NFIB: variants seen among roughly 807,000 people sequenced by gnomAD.
NFIB encodes the protein nuclear factor I B, also known as nuclear factor 1 B-type.
A neutral mutation model predicts 61.5 loss-of-function variants in NFIB; 11 were observed. The observed-to-expected ratio is 0.18, with a 90% confidence interval of 0.11 to 0.30. The LOEUF (loss-of-function observed/expected upper bound fraction) is 0.30. Ranked by LOEUF, NFIB falls within the 10% of genes least tolerant of loss-of-function variation. NFIB has a pLI of 1.00. For synonymous variants in NFIB, 260 were observed against 216.5 expected (o/e 1.20, Z -1.76); for missense variants, 471 against 608.9 (o/e 0.77, Z 2.38).
At chr9:14,414,431 CAA>C in the NFIB span, among the ~76,000 whole-genome samples, 1,072 of 56,594 alleles carry the variant, frequency 0.019, 10 homozygotes, top group African/African-American at 0.053. Flanking sequence ...GAGACTGTCT[CAA>C]AAAAAAAAAA....
At chr9:14,510,052 C>T in the NFIB span, among the ~76,000 whole-genome samples, 47 of 152,180 alleles carry the variant, frequency 3.1e-4, no homozygotes, top group African/African-American at 8.4e-4. Context: ...CATGCCACTA[C>T]GCCCAGATAA....
chr9:14,086,062 GTGT>G lies in NFIB; in HGVS notation c.*2244_*2246del, dbSNP rs1158203647. On this transcript the variant is annotated 3_prime_UTR_variant, in exon 11 of 11. Coordinates refer to ENST00000380953, the MANE Select transcript of NFIB (RefSeq NM_001190737.2). ...GTTGTGTTTGCTTGTTCTTACTATT[GTGT>G]TGTTATGAAAACCAGTAATGAGTTC... The G allele has an allele frequency of 4.4e-6, 1 of 226,742 alleles. No homozygotes were observed. The highest frequency in any genetic ancestry group is 6.3e-5 in the East Asian group (1 of 15,892). The allele number at this position is 226,742 out of a possible 1,614,324, so 14.0% of individuals were successfully genotyped here.
chr9:14,118,866 T>G (rs1197802416), intron 8 of NFIB, among the ~76,000 whole-genome samples: 1 of 151,628 alleles, frequency 6.6e-6, no homozygotes, highest in African/African-American at 2.4e-5. Context: ...ATAGGCAGAT[T>G]ATCACCTAAT....
intron 2 of NFIB, among the ~76,000 whole-genome samples, chr9:14,251,234 G>A (rs949513919): frequency 6.6e-6 from 1 of 152,142 alleles, no homozygotes; most frequent in Non-Finnish European, 1.5e-5. Context: ...TGAGGAATTA[G>A]AACCTCCCTC....
At chr9:14,218,304 G>A (rs1018296762) in intron 2 of NFIB, among the ~76,000 whole-genome samples, 1 of 152,054 alleles carries the variant, frequency 6.6e-6, no homozygotes, top group African/African-American at 2.4e-5. Context: ...ATATACTCAA[G>A]AGTCTGACTC....
the NFIB span, among the ~76,000 whole-genome samples, chr9:14,442,992 G>A: frequency 1.3e-5 from 2 of 152,076 alleles, no homozygotes; most frequent in Non-Finnish European, 2.9e-5. Flanking sequence ...GTGGTGGCAG[G>A]CAAATCTTTC....
At chr9:14,222,344 G>A (rs892924076) in intron 2 of NFIB, among the ~76,000 whole-genome samples, 1 of 152,092 alleles carries the variant, frequency 6.6e-6, no homozygotes, top group Non-Finnish European at 1.5e-5. Flanking sequence ...GAAATCCATT[G>A]CATCAGATGG....
At chr9:14,237,841 CAGTGTGTGTGTGTG>C (rs1276595987) in intron 2 of NFIB, among the ~76,000 whole-genome samples, 5 of 26,028 alleles carry the variant, frequency 1.9e-4, no homozygotes, top group South Asian at 1.5e-3. Flanking sequence ...CTAGGTATAA[CAGTGTGTGTGTGTG>C]TGTGTGTGTG....
At chr9:14,463,877 G>C in the NFIB span, among the ~76,000 whole-genome samples, 1 of 151,910 alleles carries the variant, frequency 6.6e-6, no homozygotes, top group Non-Finnish European at 1.5e-5. Flanking sequence ...AGCCAGGATG[G>C]CCTCGATCTC....
chr9:14,402,686 G>T (rs950848098), upstream of NFIB, among the ~76,000 whole-genome samples: 1 of 151,800 alleles, frequency 6.6e-6, no homozygotes, highest in African/African-American at 2.4e-5. Flanking sequence ...AAATTTGAAG[G>T]GGGAAATAAA....
At chr9:14,254,780 T>G (rs2056045062) in intron 2 of NFIB, among the ~76,000 whole-genome samples, 2 of 152,188 alleles carry the variant, frequency 1.3e-5, no homozygotes, top group African/African-American at 4.8e-5. Flanking sequence ...AAAAATGCTT[T>G]GTAGTTGGGA....
At chr9:14,247,681 C>T (rs1249151916) in intron 2 of NFIB, among the ~76,000 whole-genome samples, 1 of 152,190 alleles carries the variant, frequency 6.6e-6, no homozygotes, top group African/African-American at 2.4e-5. Context: ...GATTTTAATA[C>T]TTACCTTGTA....
the NFIB span, among the ~76,000 whole-genome samples, chr9:14,415,107 G>T: frequency 1.3e-5 from 2 of 152,190 alleles, no homozygotes; most frequent in Non-Finnish European, 2.9e-5. Context: ...CTCACAGGCA[G>T]GCCTGATTGG....
intron 6 of NFIB, among the ~76,000 whole-genome samples, chr9:14,133,887 G>T (rs2040693620): frequency 6.6e-6 from 1 of 151,782 alleles, no homozygotes; most frequent in South Asian, 2.1e-4. Flanking sequence ...ATAAATAAAG[G>T]ACTGATGATG....
chr9:14,476,615 C>T, the NFIB span, among the ~76,000 whole-genome samples: 1 of 152,142 alleles, frequency 6.6e-6, no homozygotes, highest in African/African-American at 2.4e-5. Flanking sequence ...GATCATCACG[C>T]AAAATTCCTG....
At chr9:14,221,209 A>G (rs1172422348) in intron 2 of NFIB, among the ~76,000 whole-genome samples, 2 of 152,200 alleles carry the variant, frequency 1.3e-5, no homozygotes, top group Non-Finnish European at 2.9e-5. Context: ...CAGCTTTAAA[A>G]GTTAACCGCT....
exon 1 of NFIB, chr9:14,398,918 A>C (rs916945756): frequency 6.1e-6 from 2 of 327,364 alleles, no homozygotes; most frequent in Non-Finnish European, 1.1e-5. Flanking sequence ...GTGTCAGCTC[A>C]ACAGTGATAT....
intron 1 of NFIB, among the ~76,000 whole-genome samples, chr9:14,381,235 A>C (rs1419811114): frequency 1.3e-5 from 2 of 151,846 alleles, no homozygotes; most frequent in African/African-American, 4.8e-5. Context: ...TCTGTCGCCC[A>C]GGCTGGAGTG....
At chr9:14,146,870 T>C (rs768675006) in intron 5 of NFIB, 63 bp from the exon 6 acceptor site, 6 of 1,577,666 alleles carry the variant, frequency 3.8e-6, no homozygotes, top group Non-Finnish European at 5.1e-6. Context: ...CATTTTAAAG[T>C]AAATGATCTG....
Sources: allele counts gnomAD v4.1 joint callset (sites outside exome capture counted in the v4.1 genomes callset), GRCh38; gene constraint gnomAD v4.1.1; transcripts MANE v1.5; gene names NCBI Gene and HGNC (gene_info 2026-07-23, HGNC 2026-07-21).